Variants in ZNF280C observed in about 807,000 individuals in gnomAD.
ZNF280C encodes the protein suppressor of hairy wing homolog 3.
In ZNF280C, 14 loss-of-function variants were observed where a neutral mutation model predicts 53.6. The ratio of observed to expected loss-of-function variants is 0.26; its 90% CI spans 0.17 to 0.41. ZNF280C has a LOEUF of 0.41. Ranked by LOEUF, ZNF280C falls within the 10% of genes least tolerant of loss-of-function variation. The pLI is 1.00. For synonymous variants in ZNF280C, 203 were observed against 181.1 expected (o/e 1.12, Z -0.97); for missense variants, 416 against 547.1 (o/e 0.76, Z 2.39).
intron 16 of ZNF280C, among the ~76,000 whole-genome samples, chrX:130,207,651 C>G (rs767452048): frequency 9.0e-6 from 1 of 111,475 alleles, no homozygotes; most frequent in Non-Finnish European, 1.9e-5. Context: ...CATGAGTCAC[C>G]GTGCCCGGCC....
chrX:130,220,595 C>T, intron 12 of ZNF280C, 115 bp from the exon 13 acceptor site: 2 of 682,465 alleles, frequency 2.9e-6, no homozygotes, highest in South Asian at 4.0e-5. Flanking sequence ...TACCATCTCC[C>T]ACCACAGACA....
rs1174773148 is a variant in ZNF280C, at chrX:130,227,868, ATAG to A, written c.1148-89_1148-87del. On this transcript the variant is annotated intron_variant, in intron 10 of 18. Transcript: ENST00000370978. ...TGTACATCCACAACAAGTAATAATAATAGTAGAAGTAACAGTGATGTGGTTCTA... is the reference window on the plus strand; with the variant it reads ...TGTACATCCACAACAAGTAATAATAATAGAAGTAACAGTGATGTGGTTCTA... The A allele has an allele frequency of 3.0e-5, 15 of 506,888 alleles. No individual in the cohort carries two copies. The East Asian group carries it at 4.0e-4, about 13-fold the overall frequency. The allele number at this position is 506,888 out of a possible 1,213,427, so 41.8% of individuals were successfully genotyped here.
At chrX:130,223,066 A>AT (rs200686454) in intron 12 of ZNF280C, among the ~76,000 whole-genome samples, 2,325 of 107,853 alleles carry the variant, frequency 0.022, 64 homozygotes, top group African/African-American at 0.072. Context: ...TATATGAGGA[A>AT]TTTTTTTTTC....
chrX:130,219,658 A>G (rs770700328), intron 13 of ZNF280C, among the ~76,000 whole-genome samples: 1 of 110,743 alleles, frequency 9.0e-6, no homozygotes, highest in Non-Finnish European at 1.9e-5. Context: ...ACTAACTTCA[A>G]CAAACCTATG....
chrX:130,224,377 A>C (rs1039736185), intron 12 of ZNF280C, among the ~76,000 whole-genome samples: 1 of 111,602 alleles, frequency 9.0e-6, no homozygotes, highest in Non-Finnish European at 1.9e-5. Context: ...TAAGCTTCCC[A>C]GTCAATGGTA....
chrX:130,212,047 T>C (rs937869344), intron 15 of ZNF280C, among the ~76,000 whole-genome samples: 2 of 111,305 alleles, frequency 1.8e-5, no homozygotes, highest in African/African-American at 6.5e-5. Flanking sequence ...ACCACTGTAG[T>C]AGTGGAAGAG....
intron 13 of ZNF280C, among the ~76,000 whole-genome samples, chrX:130,218,694 C>CCT (rs1183510829): frequency 8.9e-6 from 1 of 111,902 alleles, no homozygotes; most frequent in Non-Finnish European, 1.9e-5. Context: ...CTTAGTACTA[C>CCT]CTCTTCCTAG....
chrX:130,263,137 T>A (rs981808980), intron 1 of ZNF280C, among the ~76,000 whole-genome samples: 1 of 112,433 alleles, frequency 8.9e-6, no homozygotes, highest in African/African-American at 3.2e-5. Context: ...GTACAGCCAC[T>A]GTGGAAAACA....
chrX:130,256,428 C>T (rs1279434806), intron 2 of ZNF280C, among the ~76,000 whole-genome samples: 2 of 111,655 alleles, frequency 1.8e-5, no homozygotes, highest in Non-Finnish European at 1.9e-5. Flanking sequence ...AATTAAGAGG[C>T]CATGGGGCCG....
intron 2 of ZNF280C, among the ~76,000 whole-genome samples, chrX:130,248,759 G>T (rs991211561): frequency 8.9e-6 from 1 of 112,344 alleles, no homozygotes; most frequent in African/African-American, 3.2e-5. Flanking sequence ...GAGAGCTCCA[G>T]CAGGGTTGCC....
chrX:130,243,596 T>C lies in ZNF280C; in HGVS notation c.348A>G (p.Gln116=). 16 of 1,210,739 alleles carry C rather than the reference T, an allele frequency of 1.3e-5. No individual in the cohort carries two copies. Among genetic ancestry groups the C allele is most frequent in the Non-Finnish European group, 1.8e-5 (16 of 894,611 alleles). ...ACGCATTCTCAACAGTAACAGAGCT[T>C]TGTGAAGATTTAGATACAAGATGAA... ...PRFHLVSKSS[Q]SSVTVENASK... Residue 116 remains glutamine (Q), a synonymous_variant, in exon 5 of 19, where the codon CAA becomes CAG. Coordinates refer to ENST00000370978, the MANE Select transcript of ZNF280C (RefSeq NM_017666.5).
intron 15 of ZNF280C, among the ~76,000 whole-genome samples, chrX:130,210,522 AAT>A (rs2032029428): frequency 8.9e-6 from 1 of 112,174 alleles, no homozygotes; most frequent in Admixed American, 9.5e-5. Context: ...TTTTAATCTT[AAT>A]ATGTTTGGGG....
chrX:130,225,059 A>G (rs1435528826), intron 12 of ZNF280C, among the ~76,000 whole-genome samples: 1 of 111,774 alleles, frequency 8.9e-6, no homozygotes, highest in African/African-American at 3.3e-5. Context: ...ACAGCAAGTT[A>G]AGGCATACAA....
At chrX:130,247,727 T>C (rs2032465124) in intron 2 of ZNF280C, among the ~76,000 whole-genome samples, 1 of 110,621 alleles carries the variant, frequency 9.0e-6, no homozygotes, top group Non-Finnish European at 1.9e-5. Context: ...AATTCACTTG[T>C]ATAAACAAGG....
rs1459862574 is a variant in ZNF280C, at chrX:130,268,808, G to GAGAA, written c.-67_-64dup. On this transcript the variant is annotated 5_prime_UTR_variant, in exon 1 of 19. Transcript: ENST00000370978. ...TGACTGGGGTTCGGATAAGGAGGAG[G>GAGAA]AGAAAGAGGAGGAGGAAAGGGAGGA... 8.9e-6 allele frequency: 1 copy of GAGAA among 112,431 alleles called. No homozygotes were observed. Among genetic ancestry groups the GAGAA allele is most frequent in the African/African-American group, 3.2e-5 (1 of 30,906 alleles). The allele number at this position is 112,431 out of a possible 1,213,427, so 9.3% of individuals were successfully genotyped here.
intron 2 of ZNF280C, among the ~76,000 whole-genome samples, chrX:130,254,874 A>G (rs1333100321): frequency 1.8e-5 from 2 of 110,485 alleles, no homozygotes; most frequent in Non-Finnish European, 3.8e-5. Flanking sequence ...GAGTGTACCC[A>G]TAACAAACCT....
At chrX:130,254,119 A>T (rs2032541358) in intron 2 of ZNF280C, among the ~76,000 whole-genome samples, 1 of 112,479 alleles carries the variant, frequency 8.9e-6, no homozygotes, top group South Asian at 3.7e-4. Flanking sequence ...GATGCTTATC[A>T]GAAGAAGACA....
chrX:130,242,548 T>C (rs772617144), intron 5 of ZNF280C, among the ~76,000 whole-genome samples: 1 of 111,993 alleles, frequency 8.9e-6, no homozygotes, highest in Non-Finnish European at 1.9e-5. Flanking sequence ...TATTTTGTTG[T>C]TGTCTTTTTG....
chrX:130,213,331 C>T (rs764149607), intron 15 of ZNF280C, among the ~76,000 whole-genome samples: 2 of 112,223 alleles, frequency 1.8e-5, no homozygotes, highest in South Asian at 7.4e-4. Flanking sequence ...CGAGATCATG[C>T]CACTGCACTC....
Sources: gnomAD v4.1 joint callset for allele counts (sites outside exome capture counted in the v4.1 genomes callset) on GRCh38, gnomAD v4.1.1 for gene constraint, MANE v1.5 for transcripts, NCBI Gene and HGNC (gene_info 2026-07-23, HGNC 2026-07-21) for gene names.